The following MEOX2 variants were observed in gnomAD, a reference collection of about 807,000 sequenced individuals.
The protein encoded by MEOX2 is homeobox protein MOX-2.
Under a neutral mutation model 27.0 loss-of-function variants are expected in MEOX2, and 11 were observed. The ratio of observed to expected loss-of-function variants is 0.41; its 90% CI spans 0.26 to 0.68. MEOX2 has a LOEUF of 0.68. Ranked by LOEUF, MEOX2 falls within the 30% of genes least tolerant of loss-of-function variation. The pLI is 0.33. For missense variants in MEOX2, 436 were observed against 385.4 expected (o/e 1.13, Z -1.10); for synonymous variants, 189 against 155.4 (o/e 1.22, Z -1.61).
rs189869908 is a variant in MEOX2, at chr7:15,675,316, T to C, written c.517+10570A>G. On this transcript the variant is annotated intron_variant, in intron 1 of 2. Transcript: ENST00000262041. ...GAAAGTTGATCACTGTTTACATTCA[T>C]AAAACAAAGCTGAAAAATGTCTGAG... 2.1e-4 allele frequency among the ~76,000 whole-genome samples: 32 copies of C among 152,284 alleles called. No individual in the cohort carries two copies. The East Asian group carries it at 6.0e-3, about 29-fold the overall frequency.
intron 1 of MEOX2, among the ~76,000 whole-genome samples, chr7:15,663,171 T>A (rs1781943832): frequency 6.6e-6 from 1 of 152,168 alleles, no homozygotes; most frequent in South Asian, 2.1e-4. Context: ...CAGCCACAAA[T>A]AACATTTTAT....
intron 2 of MEOX2, among the ~76,000 whole-genome samples, chr7:15,619,496 C>G (rs1262126874): frequency 6.6e-6 from 1 of 151,834 alleles, no homozygotes; most frequent in Non-Finnish European, 1.5e-5. Context: ...TATCTTTATC[C>G]TTTTATTATA....
intron 1 of MEOX2, among the ~76,000 whole-genome samples, chr7:15,643,556 C>T (rs1409253941): frequency 6.6e-6 from 1 of 152,174 alleles, no homozygotes; most frequent in Admixed American, 6.5e-5. Context: ...GGGAGTCTTC[C>T]TCCCATGTCC....
At chr7:15,623,188 A>T (rs1448488130) in intron 2 of MEOX2, among the ~76,000 whole-genome samples, 1 of 152,218 alleles carries the variant, frequency 6.6e-6, no homozygotes, top group Non-Finnish European at 1.5e-5. Context: ...CAACCTCCAG[A>T]AAATAAACTG....
At chr7:15,651,159 G>A (rs1781726850) in intron 1 of MEOX2, among the ~76,000 whole-genome samples, 1 of 151,896 alleles carries the variant, frequency 6.6e-6, no homozygotes, top group Non-Finnish European at 1.5e-5. Context: ...AAATTGAGAG[G>A]GAGTGGGGAA....
At chr7:15,674,781 G>A (rs776394550) in intron 1 of MEOX2, among the ~76,000 whole-genome samples, 2 of 152,154 alleles carry the variant, frequency 1.3e-5, no homozygotes, top group African/African-American at 2.4e-5. Context: ...GATGGGTCTG[G>A]TGTTTACACA....
At chr7:15,683,169 T>C (rs1488261382) in intron 1 of MEOX2, among the ~76,000 whole-genome samples, 1 of 151,998 alleles carries the variant, frequency 6.6e-6, no homozygotes, top group East Asian at 1.9e-4. Flanking sequence ...AAGCTGTTTT[T>C]CAATACTTTC....
At chr7:15,643,761 C>T (rs1454824430) in intron 1 of MEOX2, among the ~76,000 whole-genome samples, 5 of 152,218 alleles carry the variant, frequency 3.3e-5, no homozygotes, top group African/African-American at 9.6e-5. Context: ...ACACTCTTCT[C>T]TGTTTTCTAA....
chr7:15,651,434 CAAAAT>C (rs1290392844), intron 1 of MEOX2, among the ~76,000 whole-genome samples: 2 of 151,880 alleles, frequency 1.3e-5, no homozygotes, highest in South Asian at 2.1e-4. Context: ...TCTAATCACT[CAAAAT>C]AAAAGAAATT....
chr7:15,646,002 G>A (rs62439049), intron 1 of MEOX2, among the ~76,000 whole-genome samples: 14,041 of 152,064 alleles, frequency 0.092, 754 homozygotes, highest in Middle Eastern at 0.18. Context: ...AAATTAAGAA[G>A]AATGTTTATG....
At chr7:15,621,048 T>G (rs1346912113) in intron 2 of MEOX2, among the ~76,000 whole-genome samples, 1 of 152,192 alleles carries the variant, frequency 6.6e-6, no homozygotes, top group African/African-American at 2.4e-5. Context: ...TTCTCCAAGT[T>G]TATCTGGATG....
intron 1 of MEOX2, chr7:15,680,990 T>C (rs1782284109): frequency 6.6e-6 from 1 of 151,454 alleles, no homozygotes; most frequent in Non-Finnish European, 1.5e-5. Context: ...AATGCTTATA[T>C]ATCTTCCTGC....
chr7:15,657,133 G>A (rs902442593), intron 1 of MEOX2, among the ~76,000 whole-genome samples: 7 of 151,884 alleles, frequency 4.6e-5, no homozygotes, highest in Non-Finnish European at 8.8e-5. Flanking sequence ...TTTGTCTTTA[G>A]TTTTCAGAAG....
At chr7:15,635,180 G>A (rs987746378) in intron 1 of MEOX2, among the ~76,000 whole-genome samples, 3 of 151,910 alleles carry the variant, frequency 2.0e-5, no homozygotes, top group African/African-American at 7.2e-5. Flanking sequence ...GCTCAAAGTG[G>A]CTGAAGGGCT....
At chr7:15,619,491 T>G (rs775687945) in intron 2 of MEOX2, among the ~76,000 whole-genome samples, 3 of 152,052 alleles carry the variant, frequency 2.0e-5, no homozygotes, top group Non-Finnish European at 4.4e-5. Context: ...AGAATTATCT[T>G]TATCCTTTTA....
chr7:15,617,904 T>A (rs1442922102), intron 2 of MEOX2, among the ~76,000 whole-genome samples: 2 of 152,044 alleles, frequency 1.3e-5, no homozygotes, highest in Non-Finnish European at 1.5e-5. Flanking sequence ...TAAAACAAAA[T>A]GAATACACAT....
At chr7:15,676,858 A>C (rs77360927) in intron 1 of MEOX2, among the ~76,000 whole-genome samples, 21 of 129,734 alleles carry the variant, frequency 1.6e-4, no homozygotes, top group Admixed American at 3.7e-4. Context: ...ACTCGGTCTC[A>C]AAAAAAAAAA....
intron 1 of MEOX2, among the ~76,000 whole-genome samples, chr7:15,633,984 C>T (rs572890950): frequency 6.6e-6 from 1 of 151,878 alleles, no homozygotes; most frequent in Non-Finnish European, 1.5e-5. Context: ...TTTATTATTG[C>T]TTTCTATTAA....
intron 1 of MEOX2, among the ~76,000 whole-genome samples, chr7:15,659,491 T>A (rs1562608876): frequency 6.6e-6 from 1 of 152,130 alleles, no homozygotes; most frequent in Non-Finnish European, 1.5e-5. Context: ...CCCGGCGCGG[T>A]GGCTCACGCC....
Sources: gnomAD v4.1 joint callset for allele counts (sites outside exome capture counted in the v4.1 genomes callset) on GRCh38, gnomAD v4.1.1 for gene constraint, MANE v1.5 for transcripts, NCBI Gene and HGNC (gene_info 2026-07-23, HGNC 2026-07-21) for gene names.